The following STIM2 variants were observed in gnomAD, a reference collection of about 807,000 sequenced individuals.
STIM2 encodes stromal interaction molecule 2.
In STIM2, 31 loss-of-function variants were observed where a neutral mutation model predicts 85.8. That is an observed-to-expected ratio of 0.36 (90% confidence interval 0.27 to 0.49). The LOEUF (loss-of-function observed/expected upper bound fraction) is 0.49, where lower values mean the gene tolerates loss of function less well. STIM2 is among the 20% of genes least tolerant of loss of function. The pLI is 0.98. For missense variants in STIM2, 841 were observed against 927.6 expected (o/e 0.91, Z 1.21); for synonymous variants, 356 against 331.1 (o/e 1.08, Z -0.82).
intron 3 of STIM2, among the ~76,000 whole-genome samples, chr4:26,960,825 A>G (rs1214506428): frequency 6.6e-6 from 1 of 152,116 alleles, no homozygotes; most frequent in Non-Finnish European, 1.5e-5. Flanking sequence ...GCACTCTGGG[A>G]GGCCTAGGCG....
intron 3 of STIM2, among the ~76,000 whole-genome samples, chr4:26,980,974 C>G (rs921955549): frequency 1.3e-5 from 2 of 152,116 alleles, no homozygotes; most frequent in Non-Finnish European, 2.9e-5. Context: ...GATGTTTGAA[C>G]TAAATGAATA....
chr4:26,960,850 G>A (rs945394424), intron 3 of STIM2, among the ~76,000 whole-genome samples: 3 of 152,016 alleles, frequency 2.0e-5, no homozygotes, highest in Non-Finnish European at 2.9e-5. Context: ...GAGCACCTGA[G>A]GTCAGGAGTT....
intron 11 of STIM2, 48 bp from the exon 12 acceptor site, chr4:27,022,471 A>G (rs768154288): frequency 6.8e-7 from 1 of 1,460,988 alleles, no homozygotes; most frequent in Non-Finnish European, 9.3e-7. Flanking sequence ...TAGTACTCTT[A>G]AGAACATACT....
chr4:26,954,288 CT>C (rs903374744), intron 2 of STIM2, among the ~76,000 whole-genome samples: 1 of 152,108 alleles, frequency 6.6e-6, no homozygotes. Context: ...AAAGAATCGT[CT>C]GAGCGAATCT....
chr4:26,919,594 A>G lies in STIM2; in HGVS notation c.242A>G (p.Asp81Gly). The G allele has an allele frequency of 6.2e-7, 1 of 1,613,684 alleles. No homozygotes were observed. The highest frequency in any genetic ancestry group is 8.5e-7 in the Non-Finnish European group (1 of 1,179,728). Residue 81 changes from aspartate (D) to glycine (G), a missense_variant, in exon 2 of 12, where the codon GAT becomes GGT. Coordinates refer to ENST00000467087, the MANE Select transcript of STIM2 (RefSeq NM_020860.4). ...CAAACAATACATAAACAAATGGATGATGACAAAGATGGTGGAATTGAAGTA... is the reference window on the plus strand; with the variant it reads ...CAAACAATACATAAACAAATGGATGGTGACAAAGATGGTGGAATTGAAGTA...
At chr4:26,933,166 T>C (rs191467004) in intron 2 of STIM2, among the ~76,000 whole-genome samples, 78 of 151,280 alleles carry the variant, frequency 5.2e-4, no homozygotes, top group African/African-American at 1.9e-3. Flanking sequence ...GCACTTCTAG[T>C]CTGCAGAACT....
intron 2 of STIM2, among the ~76,000 whole-genome samples, chr4:26,928,659 C>G (rs1725082042): frequency 6.6e-6 from 1 of 152,076 alleles, no homozygotes; most frequent in Non-Finnish European, 1.5e-5. Flanking sequence ...CAGGCATGCA[C>G]CAGCGTTTAT....
At chr4:26,953,311 A>C (rs1235607861) in intron 2 of STIM2, among the ~76,000 whole-genome samples, 1 of 152,194 alleles carries the variant, frequency 6.6e-6, no homozygotes. Context: ...TTGATTCAAC[A>C]TGGACATATA....
At chr4:26,868,756 C>G (rs1054014357) in intron 1 of STIM2, among the ~76,000 whole-genome samples, 3 of 152,050 alleles carry the variant, frequency 2.0e-5, no homozygotes, top group African/African-American at 7.2e-5. Context: ...TATTGTCCAG[C>G]AATACATCTC....
At chr4:26,897,684 G>T (rs902287677) in intron 1 of STIM2, among the ~76,000 whole-genome samples, 1 of 152,118 alleles carries the variant, frequency 6.6e-6, no homozygotes, top group African/African-American at 2.4e-5. Flanking sequence ...TAACCACAAG[G>T]ATAGCATCAT....
At chr4:26,976,450 A>G (rs866996136) in intron 3 of STIM2, among the ~76,000 whole-genome samples, 2 of 143,088 alleles carry the variant, frequency 1.4e-5, no homozygotes, top group Non-Finnish European at 3.0e-5. Context: ...TGAGAAGTTG[A>G]TTGTAAAGAT....
In STIM2 at chr4:26,899,176, G is replaced by A. The variant is rs552997435; in HGVS notation, c.152-20328G>A. On this transcript the variant is annotated intron_variant, in intron 1 of 11. Coordinates refer to ENST00000467087, the MANE Select transcript of STIM2 (RefSeq NM_020860.4). ...TTAATTTTATGGGCTACTGTTTTAC[G>A]TCTATTCCCATGATTACATGAGTTT... Among the ~76,000 whole-genome samples, 10 of 151,868 alleles carry A rather than the reference G, an allele frequency of 6.6e-5. 1 individual carries two copies. The South Asian group carries it at 1.5e-3, about 22-fold the overall frequency.
intron 2 of STIM2, among the ~76,000 whole-genome samples, chr4:26,922,712 C>A (rs1406987412): frequency 6.6e-6 from 1 of 152,062 alleles, no homozygotes; most frequent in Non-Finnish European, 1.5e-5. Flanking sequence ...GTGGGTGGGA[C>A]TTAAAGTTAC....
chr4:26,990,613 T>G (rs1727733386), intron 3 of STIM2, among the ~76,000 whole-genome samples: 1 of 152,148 alleles, frequency 6.6e-6, no homozygotes, highest in South Asian at 2.1e-4. Flanking sequence ...GCTAAAAAGC[T>G]TCTGCATGGC....
In STIM2 at chr4:27,008,371, CA is replaced by C. The variant is rs1344615740; in HGVS notation, c.1150-52del. 38 of 1,079,282 alleles carry C rather than the reference CA, an allele frequency of 3.5e-5. 1 individual carries two copies. In the Admixed American group the frequency reaches 9.8e-4, roughly 28 times the overall value. 66.9% of individuals were successfully genotyped at this position (1,079,282 alleles called of 1,614,324 possible). A position where few individuals can be genotyped will look rare whatever the true frequency, so the allele number is the denominator to read the frequency against. On this transcript the variant is annotated intron_variant, in intron 8 of 11. Coordinates refer to ENST00000467087, the MANE Select transcript of STIM2 (RefSeq NM_020860.4). ...AACAAACTTTATTATGTTATATATA[CA>C]AAAATGTCTGTATTTTTTTCAAACC...
At chr4:26,892,082 G>A (rs964959086) in intron 1 of STIM2, among the ~76,000 whole-genome samples, 14 of 152,168 alleles carry the variant, frequency 9.2e-5, no homozygotes, top group Non-Finnish European at 2.1e-4. Context: ...GATGTGACTT[G>A]CTCCTCCTTA....
intron 11 of STIM2, chr4:27,020,995 G>T: frequency 3.9e-6 from 6 of 1,535,924 alleles, no homozygotes; most frequent in Non-Finnish European, 5.2e-6. Context: ...TTCATGGAGT[G>T]AACAGTATTC....
chr4:26,979,844 A>G (rs1727316228), intron 3 of STIM2, among the ~76,000 whole-genome samples: 1 of 152,272 alleles, frequency 6.6e-6, no homozygotes, highest in South Asian at 2.1e-4. Context: ...TGCTGTCTTC[A>G]TTTTCTATAT....
Position 26,954,453 on chromosome 4 carries a change from A to C in STIM2, c.283-3159A>C, listed in dbSNP as rs1033806249. ...CGTACATTATTTGAAGACTCACTTCATTGAATTTCAGATCCTATTTTCAGA... is the reference window on the plus strand; with the variant it reads ...CGTACATTATTTGAAGACTCACTTCCTTGAATTTCAGATCCTATTTTCAGA... On this transcript the variant is annotated intron_variant, in intron 2 of 11. Coordinates refer to ENST00000467087, the MANE Select transcript of STIM2 (RefSeq NM_020860.4). Among the ~76,000 whole-genome samples the C allele has an allele frequency of 3.4e-5, 5 of 148,564 alleles. 2 individuals are homozygous for C. Among genetic ancestry groups the C allele is most frequent in the African/African-American group, 1.3e-4 (5 of 39,042 alleles).
Sources: gnomAD v4.1 joint callset for allele counts (sites outside exome capture counted in the v4.1 genomes callset) on GRCh38, gnomAD v4.1.1 for gene constraint, MANE v1.5 for transcripts, NCBI Gene and HGNC (gene_info 2026-07-23, HGNC 2026-07-21) for gene names.